The following TCTN3 variants were observed in gnomAD, a reference collection of about 807,000 sequenced individuals.
TCTN3 encodes tectonic-3.
TCTN3 carries 57 observed loss-of-function variants against 71.3 expected under a neutral mutation model. That is an observed-to-expected ratio of 0.80 (90% confidence interval 0.65 to 1.00). The LOEUF is 1.00. Among genes scored for constraint, TCTN3 ranks in the 50% least tolerant of loss-of-function variants. The probability of loss-of-function intolerance (pLI) is 0.00; values close to 1 mark genes in which losing one functional copy is unlikely to be tolerated. For synonymous variants in TCTN3, 258 were observed against 267.8 expected (o/e 0.96, Z 0.36); for missense variants, 696 against 719.9 (o/e 0.97, Z 0.38).
In TCTN3 at chr10:95,687,165, A is replaced by G. The variant is rs762785737; in HGVS notation, c.737-6T>C. On this transcript the variant is annotated splice_region_variant and splice_polypyrimidine_tract_variant and intron_variant, in intron 5 of 13. Coordinates refer to ENST00000371217, the MANE Select transcript of TCTN3 (RefSeq NM_015631.6). ...ACTTTTACTCTCTAGGAAACCTTAA[A>G]CACAAATAATTAAGAGAGTGGTAAA... 4.3e-6 allele frequency: 7 copies of G among 1,613,388 alleles called. No individual in the cohort carries two copies. The highest frequency in any genetic ancestry group is 1.3e-5 in the African/African-American group (1 of 74,918).
At chr10:95,685,669 T>C in intron 7 of TCTN3, 33 bp from the exon 8 acceptor site, 2 of 1,502,160 alleles carry the variant, frequency 1.3e-6, no homozygotes, top group Non-Finnish European at 9.1e-7. Flanking sequence ...TAACTAAAAC[T>C]GAAGGCGGTA....
At position 95,693,630 on chromosome 10, in the gene TCTN3, A is replaced by G. The variant is rs1353426530; in HGVS notation, c.256+14T>C. On this transcript the variant is annotated intron_variant, in intron 1 of 13. Coordinates refer to ENST00000371217, the MANE Select transcript of TCTN3 (RefSeq NM_015631.6). ...TCAGAAGTAAGTTTCCACCCCCACA[A>G]CGTTTTCCCTCACCTGGGAAGAGGT... 8 of 1,548,536 alleles carry G rather than the reference A, an allele frequency of 5.2e-6. No individual in the cohort carries two copies. Among genetic ancestry groups the G allele is most frequent in the Non-Finnish European group, 4.4e-6 (5 of 1,146,158 alleles).
At chr10:95,685,012 T>A (rs926856569) in intron 8 of TCTN3, among the ~76,000 whole-genome samples, 3 of 152,202 alleles carry the variant, frequency 2.0e-5, no homozygotes, top group Non-Finnish European at 4.4e-5. Context: ...GGGATACAAG[T>A]TGCAGGCAAT....
At chr10:95,688,923 G>A (rs2097951185) in intron 3 of TCTN3, among the ~76,000 whole-genome samples, 1 of 152,072 alleles carries the variant, frequency 6.6e-6, no homozygotes, top group Admixed American at 6.6e-5. Flanking sequence ...AAAGAACATA[G>A]GGAAACATGC....
At chr10:95,687,871 T>C in intron 3 of TCTN3, 152 bp from the exon 4 acceptor site, 1 of 864,958 alleles carries the variant, frequency 1.2e-6, no homozygotes, top group Non-Finnish European at 1.7e-6. Context: ...ATACTTGTAT[T>C]ACCACTATCC....
intron 13 of TCTN3, among the ~76,000 whole-genome samples, chr10:95,669,667 A>AT (rs942385391): frequency 5.3e-4 from 80 of 149,798 alleles, no homozygotes; most frequent in East Asian, 9.7e-4. Flanking sequence ...CTCAATAAAG[A>AT]TTTTTTTTTT....
At chr10:95,678,965 G>A (rs1299293881) in intron 13 of TCTN3, among the ~76,000 whole-genome samples, 1 of 152,098 alleles carries the variant, frequency 6.6e-6, no homozygotes, top group Non-Finnish European at 1.5e-5. Flanking sequence ...AAGGAACGTG[G>A]TTTTGTGTAT....
chr10:95,667,728 T>C (rs1241707103), intron 13 of TCTN3, among the ~76,000 whole-genome samples: 2 of 152,222 alleles, frequency 1.3e-5, no homozygotes, highest in Non-Finnish European at 2.9e-5. Flanking sequence ...TAGATGAAGA[T>C]GGTTTTACAC....
intron 2 of TCTN3, 43 bp downstream of exon 2, chr10:95,693,310 G>A (rs1338566761): frequency 1.3e-6 from 2 of 1,550,148 alleles, no homozygotes; most frequent in Non-Finnish European, 1.7e-6. Flanking sequence ...CCCGTTGTAG[G>A]CCCCAAACCC....
chr10:95,692,824 G>T (rs575209341), intron 3 of TCTN3, 96 bp downstream of exon 3: 2 of 875,410 alleles, frequency 2.3e-6, no homozygotes, highest in East Asian at 2.5e-5. Flanking sequence ...TTTTACGTGT[G>T]GCCCAAGACA....
chr10:95,688,397 G>GAAAA (rs60722894), intron 3 of TCTN3, among the ~76,000 whole-genome samples: 8 of 104,554 alleles, frequency 7.7e-5, no homozygotes, highest in Non-Finnish European at 1.1e-4. Context: ...TCAAAAAAAA[G>GAAAA]AAAAAAAAAA....
At chr10:95,683,460 T>C in intron 10 of TCTN3, 62 bp downstream of exon 10, 1 of 1,613,636 alleles carries the variant, frequency 6.2e-7, no homozygotes, top group Non-Finnish European at 8.5e-7. Context: ...AACATAAGTT[T>C]GAAAGCCTTT....
At chr10:95,671,712 G>C (rs1395816805) in intron 13 of TCTN3, among the ~76,000 whole-genome samples, 1 of 152,102 alleles carries the variant, frequency 6.6e-6, no homozygotes, top group Non-Finnish European at 1.5e-5. Flanking sequence ...AACTTTATCA[G>C]ACACATATAT....
intron 13 of TCTN3, among the ~76,000 whole-genome samples, chr10:95,666,362 C>T (rs943441275): frequency 1.3e-5 from 2 of 151,932 alleles, no homozygotes; most frequent in South Asian, 2.1e-4. Context: ...CTGAAGCTGC[C>T]GAGGGATTCC....
At chr10:95,687,777 T>G in intron 3 of TCTN3, 58 bp from the exon 4 acceptor site, 1 of 1,562,886 alleles carries the variant, frequency 6.4e-7, no homozygotes, top group Non-Finnish European at 8.7e-7. Flanking sequence ...GCCAAGTAAC[T>G]AATTTTAAAA....
At chr10:95,689,213 C>T (rs2139754939) in intron 3 of TCTN3, among the ~76,000 whole-genome samples, 2 of 152,278 alleles carry the variant, frequency 1.3e-5, no homozygotes, top group Admixed American at 1.3e-4. Context: ...TTAGTAGCTC[C>T]AGCATCACCT....
intron 13 of TCTN3, among the ~76,000 whole-genome samples, chr10:95,677,333 T>C (rs2097938035): frequency 6.6e-6 from 1 of 152,160 alleles, no homozygotes; most frequent in Non-Finnish European, 1.5e-5. Context: ...ACAAATGCTG[T>C]TTACCTCATG....
intron 12 of TCTN3, among the ~76,000 whole-genome samples, chr10:95,682,359 G>A (rs548328681): frequency 6.6e-5 from 10 of 151,664 alleles, no homozygotes; most frequent in Admixed American, 3.9e-4. Context: ...GTGTGGTGGC[G>A]GGTGCCTGCA....
At chr10:95,689,499 A>G (rs1023381120) in intron 3 of TCTN3, among the ~76,000 whole-genome samples, 10 of 152,226 alleles carry the variant, frequency 6.6e-5, no homozygotes, top group African/African-American at 2.2e-4. Context: ...TGTAAAATGC[A>G]GTTATTTGTA....
Sources: gnomAD v4.1 joint callset for allele counts (sites outside exome capture counted in the v4.1 genomes callset) on GRCh38, gnomAD v4.1.1 for gene constraint, MANE v1.5 for transcripts, NCBI Gene and HGNC (gene_info 2026-07-23, HGNC 2026-07-21) for gene names.